The following SLC4A4 variants were observed in gnomAD, a reference collection of about 807,000 sequenced individuals.
SLC4A4 encodes electrogenic sodium bicarbonate cotransporter 1.
SLC4A4 carries 27 observed loss-of-function variants against 111.5 expected under a neutral mutation model. The ratio of observed to expected loss-of-function variants is 0.24; its 90% CI spans 0.18 to 0.33. The LOEUF (loss-of-function observed/expected upper bound fraction) is 0.33. Among genes scored for constraint, SLC4A4 ranks in the 10% least tolerant of loss-of-function variants. The pLI is 1.00. For missense variants in SLC4A4, 909 were observed against 1,315.5 expected (o/e 0.69, Z 4.78); for synonymous variants, 443 against 463.4 (o/e 0.96, Z 0.57).
intron 12 of SLC4A4, among the ~76,000 whole-genome samples, chr4:71,460,835 C>T (rs1726752954): frequency 6.6e-6 from 1 of 152,004 alleles, no homozygotes; most frequent in Admixed American, 6.6e-5. Flanking sequence ...TTCATTGGTT[C>T]TGATTTAATT....
At chr4:71,249,133 C>T (rs2149052938) in intron 2 of SLC4A4, among the ~76,000 whole-genome samples, 1 of 152,156 alleles carries the variant, frequency 6.6e-6, no homozygotes, top group African/African-American at 2.4e-5. Context: ...TTCTGGGAGG[C>T]TTTCAGTATA....
chr4:71,123,461 A>G (rs1442871177), intron 2 of SLC4A4, among the ~76,000 whole-genome samples: 1 of 152,226 alleles, frequency 6.6e-6, no homozygotes, highest in African/African-American at 2.4e-5. Flanking sequence ...AAAAAAATGA[A>G]TTCAAACCCA....
At chr4:71,494,801 T>C (rs946138478) in intron 15 of SLC4A4, among the ~76,000 whole-genome samples, 1 of 151,992 alleles carries the variant, frequency 6.6e-6, no homozygotes, top group African/African-American at 2.4e-5. Context: ...GAACATCAGG[T>C]GTAGCAGTGG....
At chr4:71,298,050 CA>C (rs1161574486) in intron 3 of SLC4A4, among the ~76,000 whole-genome samples, 1 of 152,230 alleles carries the variant, frequency 6.6e-6, no homozygotes, top group Non-Finnish European at 1.5e-5. Context: ...TTTCCATTTT[CA>C]TTCCCCATCT....
At chr4:71,236,535 G>A in intron 1 of SLC4A4, 41 bp from the exon 2 acceptor site, 1 of 1,577,846 alleles carries the variant, frequency 6.3e-7, no homozygotes, top group Non-Finnish European at 8.7e-7. Context: ...CTCGCTCCAG[G>A]AGAAGTCTGA....
At chr4:71,550,949 A>G (rs1347708676) in intron 20 of SLC4A4, among the ~76,000 whole-genome samples, 3 of 151,916 alleles carry the variant, frequency 2.0e-5, no homozygotes, top group African/African-American at 7.2e-5. Flanking sequence ...CAACAGTCAT[A>G]CATGCCTCAA....
At position 71,198,927 on chromosome 4, in the gene SLC4A4, A is replaced by G. The variant is rs2149001203; in HGVS notation, c.-2+11526A>G. Among the ~76,000 whole-genome samples, 2 of 152,348 alleles carry G rather than the reference A, an allele frequency of 1.3e-5. 1 individual carries two copies. Among genetic ancestry groups the G allele is most frequent in the South Asian group, 4.1e-4 (2 of 4,832 alleles). On this transcript the variant is annotated intron_variant, in intron 1 of 25. Transcript: ENST00000264485. Reference sequence around the variant, plus strand: ...TTTACCACAAGAGGAGAAACTGGATACTCTAACAGGAGAAGGTCCAGAGCA... The same window carrying G: ...TTTACCACAAGAGGAGAAACTGGATGCTCTAACAGGAGAAGGTCCAGAGCA...
intron 1 of SLC4A4, among the ~76,000 whole-genome samples, chr4:71,205,525 G>A (rs761000475): frequency 2.0e-5 from 3 of 152,018 alleles, no homozygotes; most frequent in Non-Finnish European, 4.4e-5. Context: ...GAAACCCCTC[G>A]ATATTGTTGT....
chr4:71,117,088 C>CA (rs1437271424), intron 2 of SLC4A4, among the ~76,000 whole-genome samples: 4 of 152,122 alleles, frequency 2.6e-5, no homozygotes, highest in Non-Finnish European at 4.4e-5. Context: ...GTGATCCTTT[C>CA]ACCTCAGCCT....
At chr4:71,208,914 GT>G (rs200516002) in intron 1 of SLC4A4, among the ~76,000 whole-genome samples, 2 of 151,520 alleles carry the variant, frequency 1.3e-5, no homozygotes, top group Non-Finnish European at 2.9e-5. Context: ...ATATTTCTCA[GT>G]TTTTTTTTCC....
chr4:71,466,700 A>T (rs557082510), intron 13 of SLC4A4, 123 bp downstream of exon 13: 2 of 1,029,340 alleles, frequency 1.9e-6, no homozygotes, highest in Non-Finnish European at 1.5e-6. Flanking sequence ...TGGAATGTTC[A>T]GATGTGAGAG....
At chr4:71,349,841 G>A in intron 4 of SLC4A4, 71 bp from the exon 5 acceptor site, 25 of 1,411,276 alleles carry the variant, frequency 1.8e-5, no homozygotes, top group Non-Finnish European at 2.4e-5. Flanking sequence ...GAAGATGGAG[G>A]GGTTGAGACT....
At chr4:71,329,225 C>T (rs1727755215) in intron 3 of SLC4A4, among the ~76,000 whole-genome samples, 2 of 151,808 alleles carry the variant, frequency 1.3e-5, no homozygotes, top group South Asian at 4.2e-4. Context: ...TACTGTAGGT[C>T]TATAGTAAAA....
In SLC4A4 at chr4:71,292,420, G is replaced by A. The variant is rs558819776; in HGVS notation, c.253+37021G>A. Among the ~76,000 whole-genome samples, 4 of 152,302 alleles carry A rather than the reference G, an allele frequency of 2.6e-5. No homozygotes were observed. In the South Asian group the frequency reaches 8.3e-4, roughly 32 times the overall value. ...GTTCTAGGAAGTAAGGAGGGACTAA[G>A]TACAGCTTTGGCATAATTGAGGGTG... On this transcript the variant is annotated intron_variant, in intron 3 of 25. Transcript: ENST00000264485.
chr4:71,144,488 T>C (rs1266366768), intron 2 of SLC4A4, among the ~76,000 whole-genome samples: 1 of 152,120 alleles, frequency 6.6e-6, no homozygotes, highest in East Asian at 1.9e-4. Context: ...GTGAAGAAAG[T>C]CATTGGTAGC....
At chr4:71,346,707 G>A (rs1014216043) in intron 4 of SLC4A4, among the ~76,000 whole-genome samples, 3 of 152,040 alleles carry the variant, frequency 2.0e-5, no homozygotes, top group Non-Finnish European at 4.4e-5. Context: ...TGATATGCGA[G>A]GAGGCTAGAC....
intron 16 of SLC4A4, among the ~76,000 whole-genome samples, chr4:71,517,575 T>A (rs887497619): frequency 6.6e-6 from 1 of 152,180 alleles, no homozygotes; most frequent in South Asian, 2.1e-4. Flanking sequence ...TTCCTTAAAA[T>A]AATTATTTTG....
intron 3 of SLC4A4, among the ~76,000 whole-genome samples, chr4:71,264,171 A>G (rs1722071238): frequency 1.3e-5 from 2 of 152,188 alleles, no homozygotes; most frequent in African/African-American, 4.8e-5. Flanking sequence ...AGATGACTTT[A>G]GCACCCTTGT....
At position 71,288,925 on chromosome 4, in the gene SLC4A4, A is replaced by G. The variant is rs77439341; in HGVS notation, c.253+33526A>G. Among the ~76,000 whole-genome samples, 1,149 of 152,292 alleles carry G rather than the reference A, an allele frequency of 7.5e-3. 18 individuals are homozygous for G. The highest frequency in any genetic ancestry group is 0.026 in the African/African-American group (1,101 of 41,564). On this transcript the variant is annotated intron_variant, in intron 3 of 25. Transcript: ENST00000264485. The stretch of plus-strand genomic sequence containing the variant: ...TTGTATGATTGGAATCAAAATATGC[A>G]TAACCTTTGTATCTTTCAGCAGAAT...
Sources: gnomAD v4.1 joint callset for allele counts (sites outside exome capture counted in the v4.1 genomes callset) on GRCh38, gnomAD v4.1.1 for gene constraint, MANE v1.5 for transcripts, NCBI Gene and HGNC (gene_info 2026-07-23, HGNC 2026-07-21) for gene names.